Variants in MAPK10 observed in about 807,000 individuals in gnomAD.
The protein encoded by MAPK10 is JNK3 alpha protein kinase.
A neutral mutation model predicts 59.3 loss-of-function variants in MAPK10; 25 were observed. The observed-to-expected ratio is 0.42, with a 90% CI of 0.31 to 0.59. MAPK10 has a LOEUF of 0.59. Ranked by LOEUF, MAPK10 falls within the 20% of genes least tolerant of loss-of-function variation. The probability of loss-of-function intolerance (pLI) is 0.15; values close to 1 mark genes in which losing one functional copy is unlikely to be tolerated. For synonymous variants in MAPK10, 190 were observed against 200.5 expected (o/e 0.95, Z 0.44); for missense variants, 351 against 568.9 (o/e 0.62, Z 3.90).
chr4:86,074,253 T>G (rs1299771956), intron 9 of MAPK10, among the ~76,000 whole-genome samples: 68 of 142,746 alleles, frequency 4.8e-4, no homozygotes, highest in Middle Eastern at 6.9e-3. Flanking sequence ...TTGGTAGATC[T>G]TCCTCCATCC....
At chr4:86,083,357 A>G (rs2149034342) in intron 9 of MAPK10, among the ~76,000 whole-genome samples, 1 of 152,264 alleles carries the variant, frequency 6.6e-6, no homozygotes, top group Non-Finnish European at 1.5e-5. Flanking sequence ...CCCATCCTCC[A>G]GCAACAATTC....
chr4:86,172,214 C>T (rs1487837696), intron 3 of MAPK10, among the ~76,000 whole-genome samples: 1 of 141,336 alleles, frequency 7.1e-6, no homozygotes, highest in Admixed American at 6.8e-5. Flanking sequence ...CCCAGCCATC[C>T]CATTACTGGG....
At chr4:86,563,769 G>A (rs987728395) in intron 1 of MAPK10, among the ~76,000 whole-genome samples, 8 of 152,130 alleles carry the variant, frequency 5.3e-5, no homozygotes, top group Admixed American at 4.6e-4. Flanking sequence ...TCACATCCCA[G>A]GCCAGATGGA....
At chr4:86,308,525 C>T (rs1265280822) in intron 2 of MAPK10, 2 of 152,124 alleles carry the variant, frequency 1.3e-5, no homozygotes, top group Admixed American at 6.5e-5. Context: ...TATCTCTATG[C>T]CTCTATTTTT....
At chr4:86,513,805 C>A (rs79983085) in intron 1 of MAPK10, among the ~76,000 whole-genome samples, 7,129 of 152,218 alleles carry the variant, frequency 0.047, 225 homozygotes, top group African/African-American at 0.059. Context: ...ACTGGCCACG[C>A]ACTTTGAGAT....
At chr4:86,247,174 A>G (rs1349563362) in intron 2 of MAPK10, among the ~76,000 whole-genome samples, 1 of 152,198 alleles carries the variant, frequency 6.6e-6, no homozygotes, top group South Asian at 2.1e-4. Flanking sequence ...CGAAGCCTCT[A>G]TTGTACTATA....
chr4:86,303,330 C>T (rs796755488), intron 2 of MAPK10, among the ~76,000 whole-genome samples: 1 of 152,156 alleles, frequency 6.6e-6, no homozygotes. Context: ...ATTCCCATTA[C>T]CCTTTTCTGT....
intron 2 of MAPK10, among the ~76,000 whole-genome samples, chr4:86,228,764 T>G (rs12646076): frequency 0.33 from 49,707 of 152,036 alleles, 11,012 homozygotes; most frequent in African/African-American, 0.63. Context: ...TACATAGTAG[T>G]CATTAAATAA....
intron 9 of MAPK10, among the ~76,000 whole-genome samples, chr4:86,071,109 T>C (rs2047843243): frequency 6.6e-6 from 1 of 151,702 alleles, no homozygotes; most frequent in African/African-American, 2.4e-5. Flanking sequence ...TGGTATCTCA[T>C]AGTGGTTTTG....
intron 2 of MAPK10, among the ~76,000 whole-genome samples, chr4:86,323,291 G>A (rs1285255555): frequency 1.3e-5 from 2 of 152,184 alleles, no homozygotes; most frequent in Non-Finnish European, 2.9e-5. Flanking sequence ...TTTGAAGCAA[G>A]ATCTGTGTCA....
chr4:86,120,822 G>A (rs2059117575), intron 4 of MAPK10, among the ~76,000 whole-genome samples: 1 of 152,112 alleles, frequency 6.6e-6, no homozygotes, highest in Non-Finnish European at 1.5e-5. Flanking sequence ...CCTGCTATAA[G>A]GCATATAGGG....
At chr4:86,173,206 C>T (rs1025255978) in intron 3 of MAPK10, among the ~76,000 whole-genome samples, 6 of 152,140 alleles carry the variant, frequency 3.9e-5, no homozygotes, top group Non-Finnish European at 7.4e-5. Context: ...CATCATTCTA[C>T]CTGACTTCAA....
chr4:86,372,569 A>AAAGAAAGAAAGAG (rs1202722328), intron 1 of MAPK10, among the ~76,000 whole-genome samples: 9 of 60,016 alleles, frequency 1.5e-4, no homozygotes, highest in Admixed American at 1.3e-3. Context: ...AGAAAGAAAG[A>AAAGAAAGAAAGAG]AAAGAAAAGA....
intron 11 of MAPK10, among the ~76,000 whole-genome samples, chr4:86,044,000 C>T (rs76032727): frequency 0.011 from 1,672 of 152,194 alleles, 34 homozygotes; most frequent in African/African-American, 0.038. Context: ...GCTTATAGTT[C>T]CTACTAATTC....
At chr4:86,517,683 G>T (rs1425925325) in intron 1 of MAPK10, among the ~76,000 whole-genome samples, 1 of 152,032 alleles carries the variant, frequency 6.6e-6, no homozygotes, top group Non-Finnish European at 1.5e-5. Flanking sequence ...ATTTACTTAG[G>T]TCCTTTCTTA....
chr4:86,581,682 G>C (rs1185456434), intron 1 of MAPK10, among the ~76,000 whole-genome samples: 2 of 139,632 alleles, frequency 1.4e-5, no homozygotes, highest in Admixed American at 1.4e-4. Context: ...GTTATTGTGT[G>C]TGTGTGTGTG....
At chr4:86,381,525 T>C (rs73838709) in intron 1 of MAPK10, among the ~76,000 whole-genome samples, 4 of 152,114 alleles carry the variant, frequency 2.6e-5, no homozygotes. Flanking sequence ...GTCTCTCAAC[T>C]GGCTTCAGCC....
chr4:86,572,631 C>T (rs554210091), intron 1 of MAPK10, among the ~76,000 whole-genome samples: 4 of 152,244 alleles, frequency 2.6e-5, no homozygotes, highest in African/African-American at 9.6e-5. Context: ...AAGATACTAA[C>T]AGTGGAATAT....
chr4:86,175,114 T>A (rs924758282), intron 3 of MAPK10, among the ~76,000 whole-genome samples: 2 of 151,970 alleles, frequency 1.3e-5, no homozygotes, highest in African/African-American at 4.8e-5. Context: ...TTTTCCAGAG[T>A]AGTAATAATA....
Sources: allele counts gnomAD v4.1 joint callset (sites outside exome capture counted in the v4.1 genomes callset), GRCh38; gene constraint gnomAD v4.1.1; transcripts MANE v1.5; gene names NCBI Gene and HGNC (gene_info 2026-07-23, HGNC 2026-07-21).